The following HDC variants were observed in gnomAD, a reference collection of about 807,000 sequenced individuals.
HDC encodes the protein histidine decarboxylase.
In HDC, 27 loss-of-function variants were observed where a neutral mutation model predicts 64.4. The observed-to-expected ratio is 0.42, with a 90% CI of 0.31 to 0.58. The LOEUF is 0.58. Ranked by LOEUF, HDC falls within the 20% of genes least tolerant of loss-of-function variation. The pLI is 0.16. For synonymous variants in HDC, 305 were observed against 314.2 expected (o/e 0.97, Z 0.31); for missense variants, 711 against 833.9 (o/e 0.85, Z 1.81).
chr15:50,260,829 C>T (rs778776969), intron 2 of HDC, among the ~76,000 whole-genome samples: 2 of 152,134 alleles, frequency 1.3e-5, no homozygotes, highest in African/African-American at 2.4e-5. Flanking sequence ...TGACTTTTCC[C>T]GTGGGGATGC....
intron 10 of HDC, among the ~76,000 whole-genome samples, chr15:50,246,254 C>T (rs940509654): frequency 6.6e-6 from 1 of 152,166 alleles, no homozygotes; most frequent in South Asian, 2.1e-4. Flanking sequence ...AGGCATTACG[C>T]AAGTGTCAAT....
chr15:50,263,057 A>G (rs1438862980), intron 2 of HDC, among the ~76,000 whole-genome samples, 178 bp downstream of exon 2: 1 of 152,172 alleles, frequency 6.6e-6, no homozygotes, highest in African/African-American at 2.4e-5. Flanking sequence ...AAGAAACCTA[A>G]TACCAGTCAA....
intron 1 of HDC, 65 bp from the exon 2 acceptor site, chr15:50,263,472 C>T (rs901065579): frequency 7.4e-6 from 11 of 1,490,050 alleles, no homozygotes; most frequent in African/African-American, 1.4e-5. Context: ...TTGTGCCCAT[C>T]CCTCTCAGGT....
At chr15:50,253,411 C>A (rs1461187706) in intron 7 of HDC, 189 bp downstream of exon 7, 9 of 670,938 alleles carry the variant, frequency 1.3e-5, no homozygotes, top group Admixed American at 1.0e-4. Context: ...TCTTGTCACA[C>A]CACTGGGAAA....
chr15:50,244,905 C>A (rs1461675882), intron 10 of HDC: 1 of 152,254 alleles, frequency 6.6e-6, no homozygotes, highest in Non-Finnish European at 1.5e-5. Context: ...GTAGCTGGGA[C>A]TACAGACACG....
chr15:50,243,147 A>G lies in HDC; in HGVS notation c.1238T>C (p.Leu413Pro), dbSNP rs1033527583. 6.2e-7 allele frequency: 1 copy of G among 1,613,544 alleles called. No individual in the cohort carries two copies. The highest frequency in any genetic ancestry group is 1.7e-5 in the Admixed American group (1 of 60,028). ...GGGCTTGGAAGATGGTATTACCTTTAGACGAAAAACCACCAGGCCAAGGTG... is the reference window on the plus strand; with the variant it reads ...GGGCTTGGAAGATGGTATTACCTTTGGACGAAAAACCACCAGGCCAAGGTG... ...KRHLGLVVFRLKGPNCLTENV... is the reference protein window; with the variant it reads ...KRHLGLVVFRPKGPNCLTENV... Residue 413 changes from leucine to proline, a missense_variant, in exon 11 of 12, where the codon CTA becomes CCA. Leu to Pro is a moderately conservative substitution (Grantham distance 98, BLOSUM62 -3). Coordinates refer to ENST00000267845, the MANE Select transcript of HDC (RefSeq NM_002112.4).
chr15:50,242,277 G>T lies in HDC; in HGVS notation c.1972C>A (p.Leu658Met), dbSNP rs1463496709. Residue 658 changes from leucine (L) to methionine (M), a missense_variant, in exon 12 of 12, where the codon CTG (leucine) becomes ATG (methionine). Coordinates refer to ENST00000267845, the MANE Select transcript of HDC (RefSeq NM_002112.4). ...CCCTGTGTCTAAACCATGGCCTGCAGAGGGCAACAGGGCAGCTGGAGTCCA... is the reference window on the plus strand; with the variant it reads ...CCCTGTGTCTAAACCATGGCCTGCATAGGGCAACAGGGCAGCTGGAGTCCA... ...QCGLQLPCCP[L>M]QAMV is the part of the protein sequence containing the mutation. The T allele has an allele frequency of 2.0e-5, 32 of 1,614,130 alleles. No homozygotes were observed. Among genetic ancestry groups the T allele is most frequent in the Non-Finnish European group, 2.6e-5 (31 of 1,179,962 alleles).
intron 5 of HDC, 90 bp downstream of exon 5, chr15:50,254,440 G>A (rs781372463): frequency 2.9e-5 from 45 of 1,569,748 alleles, no homozygotes; most frequent in Middle Eastern, 4.1e-4. Context: ...GAACCCCAGC[G>A]TACTCACGTC....
chr15:50,255,587 G>T (rs994376715), intron 4 of HDC, among the ~76,000 whole-genome samples: 1 of 152,116 alleles, frequency 6.6e-6, no homozygotes, highest in East Asian at 1.9e-4. Context: ...CTTGAGTCCA[G>T]GAGTTTGAGA....
chr15:50,253,585 A>T lies in HDC; in HGVS notation c.787+15T>A. On this transcript the variant is annotated intron_variant, in intron 7 of 11. Transcript: ENST00000267845. ...GTATTCCTTGTCTTCCTAGCCACAG[A>T]GGGAAGATACTTACAGATGGGGCCC... 1 of 1,608,336 alleles carries T rather than the reference A, an allele frequency of 6.2e-7. No homozygotes were observed. Among genetic ancestry groups the T allele is most frequent in the Non-Finnish European group, 8.5e-7 (1 of 1,174,742 alleles).
chr15:50,245,683 C>T (rs2045472255), intron 10 of HDC, among the ~76,000 whole-genome samples: 1 of 152,028 alleles, frequency 6.6e-6, no homozygotes, highest in Non-Finnish European at 1.5e-5. Flanking sequence ...TTGCTTGAGC[C>T]CAGGAGCGTG....
chr15:50,263,148 T>C, intron 2 of HDC, 87 bp downstream of exon 2: 1 of 1,391,392 alleles, frequency 7.2e-7, no homozygotes, highest in Non-Finnish European at 1.0e-6. Flanking sequence ...CATCCCAAGC[T>C]GACCCAAAGC....
chr15:50,259,424 C>A (rs1466100377), intron 2 of HDC, among the ~76,000 whole-genome samples: 1 of 152,124 alleles, frequency 6.6e-6, no homozygotes, highest in Non-Finnish European at 1.5e-5. Flanking sequence ...CCTGAGCCCA[C>A]AATCAAAACC....
intron 9 of HDC, 100 bp downstream of exon 9, chr15:50,252,330 C>T: frequency 1.2e-6 from 1 of 860,510 alleles, no homozygotes; most frequent in Non-Finnish European, 2.0e-6. Context: ...TAGTGTGCTG[C>T]CTTCTGAAGG....
intron 6 of HDC, 29 bp from the exon 7 acceptor site, chr15:50,253,695 A>T (rs1215267575): frequency 6.3e-7 from 1 of 1,593,714 alleles, no homozygotes; most frequent in African/African-American, 1.3e-5. Flanking sequence ...AAGTTAACAC[A>T]GGAGGGTGGG....
At chr15:50,247,393 T>C (rs1316575154) in intron 10 of HDC, among the ~76,000 whole-genome samples, 2 of 152,094 alleles carry the variant, frequency 1.3e-5, no homozygotes, top group Non-Finnish European at 2.9e-5. Flanking sequence ...TAATAATTAT[T>C]TTTTTTAAAT....
At chr15:50,254,716 T>A in intron 4 of HDC, 52 bp from the exon 5 acceptor site, 1 of 1,600,600 alleles carries the variant, frequency 6.2e-7, no homozygotes, top group Non-Finnish European at 8.5e-7. Context: ...TCTTGCCAAA[T>A]TTCCCCAGGC....
At chr15:50,252,804 G>A (rs369995800) in intron 7 of HDC, 30 bp from the exon 8 acceptor site, 1 of 1,595,494 alleles carries the variant, frequency 6.3e-7, no homozygotes, top group Non-Finnish European at 8.5e-7. Flanking sequence ...CTGGCCGGAG[G>A]GGAGGTATGA....
chr15:50,252,356 T>G, intron 9 of HDC, 74 bp downstream of exon 9: 5 of 1,128,136 alleles, frequency 4.4e-6, no homozygotes, highest in Non-Finnish European at 6.8e-6. Context: ...ACCGTACAGA[T>G]TTTGGGGGGT....
Sources: gnomAD v4.1 joint callset for allele counts (sites outside exome capture counted in the v4.1 genomes callset) on GRCh38, gnomAD v4.1.1 for gene constraint, MANE v1.5 for transcripts, NCBI Gene and HGNC (gene_info 2026-07-23, HGNC 2026-07-21) for gene names.